Variants in GRB10 observed in about 807,000 individuals in gnomAD.
GRB10 encodes the protein growth factor receptor bound protein 10.
A neutral mutation model predicts 80.9 loss-of-function variants in GRB10; 20 were observed. That is an observed-to-expected ratio of 0.25 (90% CI 0.17 to 0.36). The LOEUF (loss-of-function observed/expected upper bound fraction) is 0.36, where lower values mean the gene tolerates loss of function less well. GRB10 is among the 10% of genes least tolerant of loss of function. The pLI, the probability that GRB10 is intolerant of heterozygous loss-of-function variation, is 1.00. For synonymous variants in GRB10, 291 were observed against 291.5 expected (o/e 1.00, Z 0.02); for missense variants, 548 against 747.7 (o/e 0.73, Z 3.12).
chr7:50,623,885 C>CA (rs1312856874), intron 8 of GRB10, among the ~76,000 whole-genome samples: 1 of 151,958 alleles, frequency 6.6e-6, no homozygotes, highest in Non-Finnish European at 1.5e-5. Context: ...TCCAAAATCC[C>CA]AAAATCAGAA....
At chr7:50,609,773 A>G (rs1026282965) in intron 13 of GRB10, among the ~76,000 whole-genome samples, 19 of 152,324 alleles carry the variant, frequency 1.2e-4, no homozygotes, top group African/African-American at 4.3e-4. Context: ...TACTATTCAC[A>G]CAGCTCCTAC....
chr7:50,682,532 TG>T (rs1212507514), intron 5 of GRB10, among the ~76,000 whole-genome samples: 1 of 152,232 alleles, frequency 6.6e-6, no homozygotes, highest in African/African-American at 2.4e-5. Context: ...AACAAAGGGA[TG>T]ACCCTCATTT....
chr7:50,746,237 T>C (rs1459725265), intron 3 of GRB10, among the ~76,000 whole-genome samples: 2 of 152,222 alleles, frequency 1.3e-5, no homozygotes, highest in African/African-American at 4.8e-5. Context: ...CATTGGGTTA[T>C]AGTTTCTACT....
chr7:50,669,819 G>A lies in GRB10; in HGVS notation c.407C>T (p.Pro136Leu), dbSNP rs757431246. Residue 136 changes from proline (P) to leucine (L), a missense_variant, in exon 7 of 19, where the codon CCG becomes CTG. Around this residue, in one of 4 missense-constraint regions of GRB10, gnomAD observed 245 missense variants for 229.3 expected, o/e 1.07. Coordinates refer to ENST00000401949, the MANE Select transcript of GRB10 (RefSeq NM_001350814.2). The part of the protein sequence containing the change: ...EDQQFRTSSL[P>L]AIPNPFPELC... ...TTCAGGAAAAGGATTGGGGATGGCC[G>A]GCAGAGATGAGGTTCTAAACTGCTG... 1.2e-5 allele frequency: 19 copies of A among 1,613,578 alleles called. No individual in the cohort carries two copies. Among genetic ancestry groups the A allele is most frequent in the Non-Finnish European group, 1.4e-5 (17 of 1,179,864 alleles).
chr7:50,764,356 C>T (rs1373584122), intron 2 of GRB10, among the ~76,000 whole-genome samples: 1 of 152,202 alleles, frequency 6.6e-6, no homozygotes, highest in Non-Finnish European at 1.5e-5. Flanking sequence ...GTCCCTTTCC[C>T]AAGAAGAGGT....
chr7:50,741,946 C>G (rs1185373977), intron 3 of GRB10, among the ~76,000 whole-genome samples: 1 of 151,584 alleles, frequency 6.6e-6, no homozygotes, highest in Non-Finnish European at 1.5e-5. Flanking sequence ...TTTAATCACA[C>G]AGTAATTTTT....
chr7:50,696,287 C>T (rs748976328), intron 5 of GRB10, among the ~76,000 whole-genome samples: 71 of 152,180 alleles, frequency 4.7e-4, no homozygotes, highest in East Asian at 1.9e-4. Flanking sequence ...CCCACTTCTT[C>T]GCACTCACCA....
chr7:50,788,747 C>T (rs368289702), intron 1 of GRB10, among the ~76,000 whole-genome samples: 4 of 152,324 alleles, frequency 2.6e-5, no homozygotes, highest in East Asian at 3.9e-4. Context: ...GGATAGAGCT[C>T]GGAGCCACAT....
intron 18 of GRB10, among the ~76,000 whole-genome samples, chr7:50,594,565 TTTTGGTAGAG>T (rs1372152336): frequency 1.3e-5 from 2 of 152,246 alleles, no homozygotes; most frequent in Non-Finnish European, 2.9e-5. Context: ...AGCCAGCCTC[TTTTGGTAGAG>T]TTTGGGTTCC....
intron 4 of GRB10, among the ~76,000 whole-genome samples, chr7:50,710,387 C>T (rs1459125070): frequency 1.3e-5 from 2 of 152,144 alleles, no homozygotes; most frequent in Non-Finnish European, 2.9e-5. Flanking sequence ...CACAAAACAG[C>T]GAGGAAGCAG....
intron 7 of GRB10, among the ~76,000 whole-genome samples, chr7:50,666,331 G>A (rs757363426): frequency 5.9e-5 from 9 of 152,198 alleles, no homozygotes; most frequent in Non-Finnish European, 1.3e-4. Context: ...GTGAGCGAAG[G>A]CAGAGAGCTC....
At chr7:50,595,561 A>C in intron 17 of GRB10, 31 bp from the exon 18 acceptor site, 1 of 1,193,654 alleles carries the variant, frequency 8.4e-7, no homozygotes. Context: ...GATTGCTAAA[A>C]TATTTTAAAA....
At chr7:50,786,855 T>C (rs1381744584), upstream of GRB10, among the ~76,000 whole-genome samples, 1 of 152,208 alleles carries the variant, frequency 6.6e-6, no homozygotes, top group Non-Finnish European at 1.5e-5. Flanking sequence ...AGACAACAGC[T>C]GTGCAGGGAG....
intron 5 of GRB10, among the ~76,000 whole-genome samples, chr7:50,693,713 C>T (rs1230302013): frequency 1.3e-5 from 2 of 152,030 alleles, no homozygotes; most frequent in Non-Finnish European, 1.5e-5. Flanking sequence ...CCAGACGGAA[C>T]AAAGGCATGA....
chr7:50,722,639 G>A (rs1010157213), intron 4 of GRB10, among the ~76,000 whole-genome samples: 1 of 152,150 alleles, frequency 6.6e-6, no homozygotes, highest in African/African-American at 2.4e-5. Flanking sequence ...ACAGGGCCCA[G>A]AGTGACCGGA....
At chr7:50,705,274 T>A in intron 4 of GRB10, 1 of 985,768 alleles carries the variant, frequency 1.0e-6, no homozygotes, top group Non-Finnish European at 1.2e-6. Context: ...AGAAGGAGGA[T>A]GTTTGTTCCC....
At chr7:50,707,079 C>G (rs1275643716) in intron 4 of GRB10, among the ~76,000 whole-genome samples, 6 of 152,182 alleles carry the variant, frequency 3.9e-5, no homozygotes, top group African/African-American at 1.4e-4. Flanking sequence ...CCAATGTAGT[C>G]AAGTTTATTG....
chr7:50,663,026 T>C (rs1249718974), intron 7 of GRB10, among the ~76,000 whole-genome samples: 2 of 152,254 alleles, frequency 1.3e-5, no homozygotes, highest in African/African-American at 4.8e-5. Context: ...CAGTTATCCC[T>C]TGACTTAAAA....
chr7:50,716,687 T>C (rs998086185), intron 4 of GRB10, among the ~76,000 whole-genome samples: 3 of 152,080 alleles, frequency 2.0e-5, no homozygotes, highest in Non-Finnish European at 2.9e-5. Flanking sequence ...ATGAAAAATA[T>C]GTGGGCAGGA....
Sources: gnomAD v4.1 joint callset for allele counts (sites outside exome capture counted in the v4.1 genomes callset) on GRCh38, gnomAD v4.1.1 for gene constraint, gnomAD v4.1.1 regional missense constraint, MANE v1.5 for transcripts, NCBI Gene and HGNC (gene_info 2026-07-23, HGNC 2026-07-21) for gene names.